The following ITIH5 variants were observed in gnomAD, a reference collection of about 807,000 sequenced individuals.
ITIH5 encodes inter-alpha-trypsin inhibitor heavy chain 5.
Under a neutral mutation model 77.5 loss-of-function variants are expected in ITIH5, and 65 were observed. The ratio of observed to expected loss-of-function variants is 0.84; its 90% CI spans 0.69 to 1.03. ITIH5 has a LOEUF of 1.03. Among genes scored for constraint, ITIH5 ranks in the 50% least tolerant of loss-of-function variants. The pLI is 0.00. For synonymous variants in ITIH5, 525 were observed against 494.3 expected (o/e 1.06, Z -0.82); for missense variants, 1,208 against 1,213.1 (o/e 1.00, Z 0.06).
intron 10 of ITIH5, among the ~76,000 whole-genome samples, chr10:7,573,915 T>C (rs1234519403): frequency 6.6e-6 from 1 of 152,190 alleles, no homozygotes; most frequent in Admixed American, 6.5e-5. Flanking sequence ...GGAAAAGTTC[T>C]AGAGATCTGT....
At chr10:7,649,827 T>C (rs1487500610) in intron 2 of ITIH5, among the ~76,000 whole-genome samples, 1 of 152,150 alleles carries the variant, frequency 6.6e-6, no homozygotes, top group African/African-American at 2.4e-5. Flanking sequence ...AAGCGAGGCC[T>C]TTGAAAGGCA....
chr10:7,571,103 G>A (rs1208318532), intron 11 of ITIH5, among the ~76,000 whole-genome samples: 2 of 152,180 alleles, frequency 1.3e-5, no homozygotes, highest in African/African-American at 4.8e-5. Flanking sequence ...ACGGGCCCTT[G>A]AGAGGATCTG....
At chr10:7,587,929 C>T (rs1204701874) in intron 7 of ITIH5, among the ~76,000 whole-genome samples, 1 of 152,204 alleles carries the variant, frequency 6.6e-6, no homozygotes, top group African/African-American at 2.4e-5. Context: ...ATAACCACTG[C>T]TTTCGTATCC....
In ITIH5 at chr10:7,564,257, C is replaced by T. The variant is rs1211264302; in HGVS notation, c.2528-873G>A. Among the ~76,000 whole-genome samples the T allele has an allele frequency of 5.3e-5, 8 of 152,180 alleles. No homozygotes were observed. In the East Asian group the frequency reaches 1.5e-3, roughly 29 times the overall value. ...TAAAGCCCATTCCTAGCTCACAAAG[C>T]CCAGGAAGGAATCTAATTTTCATAT... On this transcript the variant is annotated intron_variant, in intron 13 of 13. Coordinates refer to ENST00000397146, the MANE Select transcript of ITIH5 (RefSeq NM_030569.7).
chr10:7,571,261 C>T (rs1283404236), intron 11 of ITIH5: 1 of 152,148 alleles, frequency 6.6e-6, no homozygotes, highest in Non-Finnish European at 1.5e-5. Context: ...TTCAGGCATG[C>T]ACGCAGTTGT....
chr10:7,637,216 C>G lies in ITIH5; in HGVS notation c.652+12G>C, dbSNP rs773154542. ...ACCACAGATCTGCACGAACCCAGCA[C>G]GCAGGACTCACCTTCCCCGCGCCCA... On this transcript the variant is annotated intron_variant, in intron 5 of 13. Coordinates refer to ENST00000397146, the MANE Select transcript of ITIH5 (RefSeq NM_030569.7). 3.7e-5 allele frequency: 59 copies of G among 1,602,874 alleles called. No homozygotes were observed. Among genetic ancestry groups the G allele is most frequent in the Non-Finnish European group, 4.8e-5 (57 of 1,178,854 alleles).
At position 7,579,747 on chromosome 10, in the gene ITIH5, C is replaced by T. The variant is rs746969133; in HGVS notation, c.1418+8G>A. ...AGCCTCTCATGCCTACGAAGACAGA[C>T]CACAGACCCGATGAGCTGCGAGCCT... On this transcript the variant is annotated splice_region_variant and intron_variant, in intron 9 of 13. Transcript: ENST00000397146. The T allele has an allele frequency of 1.2e-6, 2 of 1,611,510 alleles. No homozygotes were observed. Among genetic ancestry groups the T allele is most frequent in the Admixed American group, 1.7e-5 (1 of 59,996 alleles).
intron 8 of ITIH5, among the ~76,000 whole-genome samples, chr10:7,581,037 A>G (rs763456668): frequency 7.2e-5 from 11 of 152,326 alleles, no homozygotes; most frequent in Non-Finnish European, 1.3e-4. Flanking sequence ...AGGTGGGTGG[A>G]TCACCTGAGG....
intron 5 of ITIH5, among the ~76,000 whole-genome samples, chr10:7,624,867 A>ATATACACATATATATGTATATATATGTC: frequency 1.4e-5 from 1 of 72,410 alleles, no homozygotes; most frequent in African/African-American, 6.2e-5. Flanking sequence ...GTATATATGT[A>ATATACACATATATATGTATATATATGTC]TATATGTATG....
chr10:7,662,954 G>A (rs927915), intron 1 of ITIH5, among the ~76,000 whole-genome samples: 108,884 of 152,148 alleles, frequency 0.72, 39,739 homozygotes, highest in African/African-American at 0.87. Flanking sequence ...GTGAGAATTT[G>A]TAAGAAATTA....
chr10:7,644,377 TCA>T (rs1228394485), intron 2 of ITIH5, among the ~76,000 whole-genome samples: 8 of 102,604 alleles, frequency 7.8e-5, no homozygotes, highest in African/African-American at 2.5e-4. Context: ...CACATATATA[TCA>T]CATATATCAC....
At chr10:7,657,177 T>A (rs984127474) in intron 1 of ITIH5, among the ~76,000 whole-genome samples, 3 of 151,208 alleles carry the variant, frequency 2.0e-5, no homozygotes, top group African/African-American at 7.3e-5. Flanking sequence ...CCTGAGTAGC[T>A]GGGACTACAG....
chr10:7,657,089 G>A (rs1834199906), intron 1 of ITIH5, among the ~76,000 whole-genome samples: 1 of 136,628 alleles, frequency 7.3e-6, no homozygotes, highest in Non-Finnish European at 1.5e-5. Context: ...CTGTTGCCCA[G>A]GCTGGAGTGC....
chr10:7,578,164 C>T (rs1002801257), intron 9 of ITIH5: 13 of 156,248 alleles, frequency 8.3e-5, no homozygotes, highest in African/African-American at 3.1e-4. Flanking sequence ...AGCTTGGGTC[C>T]CTGAATGACT....
In ITIH5 at chr10:7,579,946, G is replaced by A. The variant is rs1473978105; in HGVS notation, c.1227C>T (p.Pro409=). The A allele has an allele frequency of 6.2e-7, 1 of 1,614,200 alleles. No individual in the cohort carries two copies. Among genetic ancestry groups the A allele is most frequent in the South Asian group, 1.1e-5 (1 of 91,078 alleles). Reference sequence around the variant, plus strand: ...TGAGGGTGTGCGTCTCCCCGACCGTGGGCTTCCCATCCGTCAGGAAGACGA... The same window carrying A: ...TGAGGGTGTGCGTCTCCCCGACCGTAGGCTTCCCATCCGTCAGGAAGACGA... The part of the protein sequence containing the change: ...SLIVFLTDGK[P]TVGETHTLKI... The change falls in exon 9 of 14, where the codon CCC becomes CCT. Residue 409 remains proline, a synonymous_variant. Transcript: ENST00000397146.
chr10:7,619,262 C>G (rs183959470), intron 5 of ITIH5: 1 of 152,454 alleles, frequency 6.6e-6, no homozygotes. Flanking sequence ...GAGTGACAGG[C>G]ATCATAATAT....
chr10:7,644,366 TCA>T lies in ITIH5; in HGVS notation c.136-2278_136-2277del, dbSNP rs1242728843. On this transcript the variant is annotated intron_variant, in intron 2 of 13. Coordinates refer to ENST00000397146, the MANE Select transcript of ITIH5 (RefSeq NM_030569.7). ...ATATATCACATATATATCATATATA[TCA>T]CATATATATCACATATATCACATAT... Among the ~76,000 whole-genome samples, 17 of 146,330 alleles carry T rather than the reference TCA, an allele frequency of 1.2e-4. 1 individual carries two copies. Among genetic ancestry groups the T allele is most frequent in the South Asian group, 6.3e-4 (3 of 4,734 alleles).
chr10:7,601,104 T>G (rs1833006206), intron 7 of ITIH5, among the ~76,000 whole-genome samples: 1 of 152,230 alleles, frequency 6.6e-6, no homozygotes, highest in Admixed American at 6.5e-5. Context: ...TTATTAATTT[T>G]AATTTGGCTC....
chr10:7,644,402 TATCACATATATC>T (rs1219252543), intron 2 of ITIH5, among the ~76,000 whole-genome samples: 1 of 146,172 alleles, frequency 6.8e-6, no homozygotes, highest in Non-Finnish European at 1.5e-5. Flanking sequence ...ATATCACATA[TATCACATATATC>T]ATATATATCA....
Sources: allele counts gnomAD v4.1 joint callset (sites outside exome capture counted in the v4.1 genomes callset), GRCh38; gene constraint gnomAD v4.1.1; transcripts MANE v1.5; gene names NCBI Gene and HGNC (gene_info 2026-07-23, HGNC 2026-07-21).